RYR3: variants seen among roughly 807,000 people sequenced by gnomAD.
The protein encoded by RYR3 is brain ryanodine receptor-calcium release channel.
Under a neutral mutation model 584.3 loss-of-function variants are expected in RYR3, and 207 were observed. The observed-to-expected ratio is 0.35, with a 90% confidence interval of 0.32 to 0.40. The LOEUF (loss-of-function observed/expected upper bound fraction) is 0.40. Among genes scored for constraint, RYR3 ranks in the 10% least tolerant of loss-of-function variants. The pLI is 1.00. For missense variants in RYR3, 5,616 were observed against 6,089.2 expected (o/e 0.92, Z 2.59); for synonymous variants, 2,416 against 2,248.5 (o/e 1.07, Z -2.11).
At chr15:33,447,307 C>A (rs1032191490) in intron 1 of RYR3, among the ~76,000 whole-genome samples, 3 of 152,106 alleles carry the variant, frequency 2.0e-5, no homozygotes, top group African/African-American at 7.2e-5. Context: ...CAGCCAGTAG[C>A]CATTAGGGTG....
At chr15:33,706,805 A>T in intron 42 of RYR3, 114 bp from the exon 43 acceptor site, 4 of 971,102 alleles carry the variant, frequency 4.1e-6, no homozygotes, top group Non-Finnish European at 6.1e-6. Context: ...CCAGCAATGC[A>T]CAAGAGTTCC....
intron 1 of RYR3, among the ~76,000 whole-genome samples, chr15:33,417,602 C>T (rs761165183): frequency 4.6e-5 from 7 of 152,158 alleles, no homozygotes. Flanking sequence ...TTAGGATTTT[C>T]TAGGTATAGA....
At chr15:33,697,850 G>T in intron 39 of RYR3, 32 bp from the exon 40 acceptor site, 3 of 1,355,734 alleles carry the variant, frequency 2.2e-6, no homozygotes, top group South Asian at 2.3e-5. Context: ...AAATAAGCAG[G>T]TGCTGAAGAC....
At chr15:33,775,981 A>G (rs2073970951) in intron 64 of RYR3, among the ~76,000 whole-genome samples, 1 of 152,132 alleles carries the variant, frequency 6.6e-6, no homozygotes, top group Admixed American at 6.5e-5. Context: ...GTTACCGTAC[A>G]TTTTCCAATT....
intron 1 of RYR3, among the ~76,000 whole-genome samples, chr15:33,386,857 T>C (rs1012587001): frequency 1.3e-5 from 2 of 152,158 alleles, no homozygotes; most frequent in Non-Finnish European, 2.9e-5. Context: ...TTCCTTTTTT[T>C]TTATTTTTTA....
intron 5 of RYR3, among the ~76,000 whole-genome samples, chr15:33,534,874 C>T (rs114832210): frequency 1.8e-4 from 27 of 152,316 alleles, no homozygotes; most frequent in African/African-American, 5.3e-4. Flanking sequence ...AAGGGCATTA[C>T]ATGTGGAATT....
Position 33,858,000 on chromosome 15 carries a change from G to A in RYR3, c.14142+86G>A. 1.9e-6 allele frequency: 3 copies of A among 1,552,900 alleles called. No individual in the cohort carries two copies. The East Asian group carries it at 6.8e-5, about 35-fold the overall frequency. ...CTCACTGGGAAGAAGGGCTGTGTGGGGGTGCTCTTGAGAACTGTAGAGTTA... is the reference window on the plus strand; with the variant it reads ...CTCACTGGGAAGAAGGGCTGTGTGGAGGTGCTCTTGAGAACTGTAGAGTTA... On this transcript the variant is annotated intron_variant, in intron 99 of 103. Transcript: ENST00000634891.
At chr15:33,559,280 T>C (rs2152477729) in intron 10 of RYR3, among the ~76,000 whole-genome samples, 1 of 152,288 alleles carries the variant, frequency 6.6e-6, no homozygotes, top group East Asian at 1.9e-4. Context: ...TTTGGCTAAG[T>C]AGAGAAGGCT....
At chr15:33,393,297 C>T (rs1377429318) in intron 1 of RYR3, among the ~76,000 whole-genome samples, 1 of 152,196 alleles carries the variant, frequency 6.6e-6, no homozygotes, top group African/African-American at 2.4e-5. Context: ...CCGTGATTTG[C>T]TTTCAGAACT....
intron 10 of RYR3, among the ~76,000 whole-genome samples, chr15:33,557,809 C>T (rs1359694718): frequency 6.6e-6 from 1 of 152,192 alleles, no homozygotes. Flanking sequence ...TCATCTCAGC[C>T]AAATACTAAT....
In RYR3 at chr15:33,524,988, A is replaced by G. The variant is rs553324737; in HGVS notation, c.280-5604A>G. Among the ~76,000 whole-genome samples, 7 of 152,312 alleles carry G rather than the reference A, an allele frequency of 4.6e-5. No homozygotes were observed. In the South Asian group the frequency reaches 1.5e-3, roughly 32 times the overall value. On this transcript the variant is annotated intron_variant, in intron 3 of 103. Transcript: ENST00000634891. ...TCGTATCTGTCTTCTATTGCCTTTGAGTATATCTGATGCATCAAAGCATGG... is the reference window on the plus strand; with the variant it reads ...TCGTATCTGTCTTCTATTGCCTTTGGGTATATCTGATGCATCAAAGCATGG...
intron 48 of RYR3, among the ~76,000 whole-genome samples, chr15:33,734,733 A>G (rs1356093036): frequency 7.7e-6 from 1 of 129,138 alleles, no homozygotes; most frequent in Non-Finnish European, 1.6e-5. Context: ...TCTGTCGCCC[A>G]GGTTGGAGTG....
intron 2 of RYR3, among the ~76,000 whole-genome samples, chr15:33,474,823 A>G (rs1473848430): frequency 6.6e-6 from 1 of 152,210 alleles, no homozygotes; most frequent in Admixed American, 6.5e-5. Context: ...CTGTAACACC[A>G]GATGTCCAGG....
intron 11 of RYR3, among the ~76,000 whole-genome samples, chr15:33,563,426 A>G (rs1165310583): frequency 6.6e-6 from 1 of 152,242 alleles, no homozygotes; most frequent in East Asian, 1.9e-4. Flanking sequence ...ACAAGCCCGC[A>G]GGAACCCACT....
rs1168249130 is a variant in RYR3, at chr15:33,838,301, A to G, written c.12321A>G (p.Ser4107=). 1.2e-6 allele frequency: 2 copies of G among 1,614,034 alleles called. No homozygotes were observed. The highest frequency in any genetic ancestry group is 1.7e-6 in the Non-Finnish European group (2 of 1,179,892). ...QLASQISESD[S]ADRPEEEEED... ...CATCTCAGATCTCTGAATCCGATTC[A>G]GCTGACAGGCCAGAAGAGGAGGAAG... is the stretch of plus-strand genomic sequence containing the variant. The change falls in exon 89 of 104, where the codon TCA becomes TCG. Residue 4107 remains serine, a synonymous_variant. Transcript: ENST00000634891.
intron 3 of RYR3, among the ~76,000 whole-genome samples, chr15:33,505,283 C>A (rs749961950): frequency 2.0e-5 from 3 of 152,158 alleles, no homozygotes; most frequent in Non-Finnish European, 4.4e-5. Context: ...CCCTTAATAC[C>A]AAATATTTGT....
At chr15:33,519,633 T>C (rs1011900891) in intron 3 of RYR3, among the ~76,000 whole-genome samples, 2 of 152,004 alleles carry the variant, frequency 1.3e-5, no homozygotes, top group Non-Finnish European at 2.9e-5. Flanking sequence ...TTGTTTTTTT[T>C]TTTTCTTCTT....
At chr15:33,818,209 G>A (rs1043147114) in intron 75 of RYR3, among the ~76,000 whole-genome samples, 1 of 152,148 alleles carries the variant, frequency 6.6e-6, no homozygotes, top group African/African-American at 2.4e-5. Flanking sequence ...AGTCTCTCAG[G>A]TGTCTCTGTG....
At chr15:33,481,412 A>G (rs1474626896) in intron 2 of RYR3, among the ~76,000 whole-genome samples, 5 of 152,154 alleles carry the variant, frequency 3.3e-5, no homozygotes, top group Non-Finnish European at 7.4e-5. Context: ...TAAATAAAGT[A>G]AAGTTATGAC....
Sources: gnomAD v4.1 joint callset for allele counts (sites outside exome capture counted in the v4.1 genomes callset) on GRCh38, gnomAD v4.1.1 for gene constraint, MANE v1.5 for transcripts, NCBI Gene and HGNC (gene_info 2026-07-23, HGNC 2026-07-21) for gene names.